The following CORO2B variants were observed in gnomAD, a reference collection of about 807,000 sequenced individuals.
The protein encoded by CORO2B is coronin-2B.
CORO2B carries 26 observed loss-of-function variants against 58.8 expected under a neutral mutation model. The observed-to-expected ratio is 0.44, with a 90% confidence interval of 0.32 to 0.61. The LOEUF (loss-of-function observed/expected upper bound fraction) is 0.61, where lower values mean the gene tolerates loss of function less well. CORO2B is among the 20% of genes least tolerant of loss of function. CORO2B has a pLI of 0.04. For missense variants in CORO2B, 460 were observed against 645.1 expected (o/e 0.71, Z 3.11); for synonymous variants, 242 against 253.8 (o/e 0.95, Z 0.44).
intron 2 of CORO2B, among the ~76,000 whole-genome samples, chr15:68,650,611 A>C (rs1329934381): frequency 2.0e-5 from 3 of 152,214 alleles, no homozygotes; most frequent in African/African-American, 7.2e-5. Flanking sequence ...ACTCCGTCTC[A>C]AAAACAAAAA....
At chr15:68,563,014 G>A in the CORO2B span, among the ~76,000 whole-genome samples, 4 of 150,462 alleles carry the variant, frequency 2.7e-5, no homozygotes, top group African/African-American at 7.3e-5. Context: ...AAACAAAAAC[G>A]TAATATACTA....
chr15:68,518,800 T>G, the CORO2B span, among the ~76,000 whole-genome samples: 1 of 152,102 alleles, frequency 6.6e-6, no homozygotes, highest in Non-Finnish European at 1.5e-5. Flanking sequence ...GTCCTTTTCT[T>G]GACAGCCATA....
chr15:68,686,074 A>G (rs1049388309), intron 2 of CORO2B, among the ~76,000 whole-genome samples: 4 of 83,304 alleles, frequency 4.8e-5, no homozygotes, highest in Non-Finnish European at 6.7e-5. Context: ...TTTTACTCCT[A>G]TTGCCCAGGC....
upstream of CORO2B, among the ~76,000 whole-genome samples, chr15:68,576,033 G>A (rs1899277516): frequency 6.7e-6 from 1 of 150,314 alleles, no homozygotes; most frequent in Non-Finnish European, 1.5e-5. Context: ...GGCACCTGTA[G>A]TCCCAGCTAC....
chr15:68,548,176 T>A, the CORO2B span, among the ~76,000 whole-genome samples: 6,450 of 66,434 alleles, frequency 0.097, 506 homozygotes, highest in African/African-American at 0.32. Context: ...ATCTTAAAAA[T>A]ATATATATAT....
At chr15:68,695,111 T>C in intron 2 of CORO2B, 29 bp from the exon 3 acceptor site, 1 of 1,515,402 alleles carries the variant, frequency 6.6e-7, no homozygotes, top group Non-Finnish European at 9.1e-7. Flanking sequence ...ACTAATCTCC[T>C]TCTCTCTCTC....
At chr15:68,577,956 C>T (rs1275454586), upstream of CORO2B, among the ~76,000 whole-genome samples, 1 of 152,150 alleles carries the variant, frequency 6.6e-6, no homozygotes, top group Non-Finnish European at 1.5e-5. Context: ...GCCAGCACTT[C>T]CGGGCTTGCC....
At chr15:68,630,487 C>T (rs1285723382) in intron 1 of CORO2B, among the ~76,000 whole-genome samples, 2 of 151,764 alleles carry the variant, frequency 1.3e-5, no homozygotes, top group Non-Finnish European at 2.9e-5. Context: ...GGTCTCTGGG[C>T]CTCCTTAAAA....
the CORO2B span, among the ~76,000 whole-genome samples, chr15:68,561,545 T>C: frequency 6.6e-6 from 1 of 152,018 alleles, no homozygotes; most frequent in African/African-American, 2.4e-5. Flanking sequence ...CCTCCCTCAA[T>C]CTTGCTGCAG....
At chr15:68,638,125 G>C (rs1000487030) in intron 1 of CORO2B, among the ~76,000 whole-genome samples, 3 of 152,134 alleles carry the variant, frequency 2.0e-5, no homozygotes, top group Non-Finnish European at 4.4e-5. Context: ...TGGGCCCAGG[G>C]AGAGGCTGCC....
intron 1 of CORO2B, among the ~76,000 whole-genome samples, chr15:68,580,444 G>T (rs1374444101): frequency 6.6e-6 from 1 of 152,058 alleles, no homozygotes; most frequent in Non-Finnish European, 1.5e-5. Context: ...GGTGGTTTTG[G>T]CTCCTTCTGG....
chr15:68,714,782 C>T, intron 7 of CORO2B, 119 bp downstream of exon 7: 1 of 741,686 alleles, frequency 1.3e-6, no homozygotes. Flanking sequence ...GTTCCTGGGC[C>T]TCACCTTTCC....
At chr15:68,597,527 T>A (rs1260881989) in intron 1 of CORO2B, among the ~76,000 whole-genome samples, 1 of 151,912 alleles carries the variant, frequency 6.6e-6, no homozygotes, top group East Asian at 1.9e-4. Flanking sequence ...GCATCCCCAT[T>A]GTGCCCCAGG....
At chr15:68,719,042 G>T in intron 9 of CORO2B, 102 bp from the exon 10 acceptor site, 1 of 999,058 alleles carries the variant, frequency 1.0e-6, no homozygotes. Context: ...AGGCAGGAGA[G>T]CAGGTAGAGT....
At chr15:68,719,620 C>T in intron 11 of CORO2B, 68 bp downstream of exon 11, 30 of 1,520,132 alleles carry the variant, frequency 2.0e-5, no homozygotes, top group Non-Finnish European at 2.6e-5. Flanking sequence ...CAATTATGGG[C>T]TTCAGGCCTT....
chr15:68,711,188 G>T (rs1335559333), intron 4 of CORO2B, among the ~76,000 whole-genome samples: 1 of 151,996 alleles, frequency 6.6e-6, no homozygotes, highest in Non-Finnish European at 1.5e-5. Flanking sequence ...GGCAAAAGGG[G>T]TAACCAAAGC....
the CORO2B span, among the ~76,000 whole-genome samples, chr15:68,532,888 C>T: frequency 6.6e-6 from 1 of 152,166 alleles, no homozygotes; most frequent in African/African-American, 2.4e-5. Flanking sequence ...TAGTTGGAGC[C>T]TAAACATCTC....
At chr15:68,605,946 A>G (rs1341429117) in intron 1 of CORO2B, among the ~76,000 whole-genome samples, 2 of 151,808 alleles carry the variant, frequency 1.3e-5, no homozygotes, top group South Asian at 2.1e-4. Context: ...GGCAGGTCTC[A>G]AACTCCTGAA....
chr15:68,576,522 T>A (rs891864633), upstream of CORO2B, among the ~76,000 whole-genome samples: 23 of 152,082 alleles, frequency 1.5e-4, no homozygotes, highest in Non-Finnish European at 2.1e-4. Flanking sequence ...AGGATGACAA[T>A]CTGGGATTTG....
Sources: gnomAD v4.1 joint callset for allele counts (sites outside exome capture counted in the v4.1 genomes callset) on GRCh38, gnomAD v4.1.1 for gene constraint, MANE v1.5 for transcripts, NCBI Gene and HGNC (gene_info 2026-07-23, HGNC 2026-07-21) for gene names.